Variants in ANO10 observed in about 807,000 individuals in gnomAD.
ANO10 encodes the protein anoctamin 10, also known as anoctamin-10.
A neutral mutation model predicts 74.7 loss-of-function variants in ANO10; 77 were observed. The ratio of observed to expected loss-of-function variants is 1.03; its 90% CI spans 0.86 to 1.25. ANO10 has a LOEUF of 1.25. Ranked by LOEUF, ANO10 falls within the 50% of genes most tolerant of loss-of-function variation. ANO10 has a pLI of 0.00. For missense variants in ANO10, 721 were observed against 778.1 expected (o/e 0.93, Z 0.87); for synonymous variants, 279 against 284.9 (o/e 0.98, Z 0.21).
intron 2 of ANO10, among the ~76,000 whole-genome samples, chr3:43,604,370 T>C (rs1442364394): frequency 6.6e-6 from 1 of 152,128 alleles, no homozygotes; most frequent in Non-Finnish European, 1.5e-5. Context: ...TTGTGGGTAT[T>C]GTGCAGAGTA....
intron 1 of ANO10, among the ~76,000 whole-genome samples, chr3:43,657,734 C>T: frequency 6.6e-6 from 1 of 152,326 alleles, no homozygotes; most frequent in South Asian, 2.1e-4. Flanking sequence ...CCTAGCCATT[C>T]TGTCACCCCT....
At chr3:43,511,797 T>C (rs374781889) in intron 11 of ANO10, among the ~76,000 whole-genome samples, 20 of 152,354 alleles carry the variant, frequency 1.3e-4, no homozygotes, top group African/African-American at 4.6e-4. Context: ...GGGCTCTCTA[T>C]TGTGAGATGA....
intron 1 of ANO10, among the ~76,000 whole-genome samples, chr3:43,680,224 T>A (rs933282518): frequency 6.6e-6 from 1 of 151,804 alleles, no homozygotes; most frequent in Non-Finnish European, 1.5e-5. Context: ...GAATAACCAA[T>A]GCAGAGGAGT....
chr3:43,453,531 C>T (rs1339886439), intron 11 of ANO10, among the ~76,000 whole-genome samples: 1 of 152,138 alleles, frequency 6.6e-6, no homozygotes, highest in Non-Finnish European at 1.5e-5. Flanking sequence ...CTAAGAACCA[C>T]TGTTTAATTC....
upstream of ANO10, among the ~76,000 whole-genome samples, chr3:43,626,209 C>T (rs2083489850): frequency 6.6e-6 from 1 of 152,114 alleles, no homozygotes; most frequent in Non-Finnish European, 1.5e-5. Flanking sequence ...GCTGGGATTA[C>T]AGGCATGAGC....
At chr3:43,604,696 T>A (rs2082483278) in intron 2 of ANO10, among the ~76,000 whole-genome samples, 1 of 152,154 alleles carries the variant, frequency 6.6e-6, no homozygotes, top group African/African-American at 2.4e-5. Context: ...TGTGGAAAGA[T>A]GCCCATCCCT....
intron 11 of ANO10, among the ~76,000 whole-genome samples, chr3:43,512,609 T>G (rs1356733978): frequency 5.3e-5 from 8 of 152,064 alleles, no homozygotes; most frequent in Admixed American, 2.6e-4. Context: ...GGACTAGAGG[T>G]TGCAGAGAGA....
At chr3:43,385,908 T>C (rs34420430) in intron 12 of ANO10, among the ~76,000 whole-genome samples, 16,844 of 152,038 alleles carry the variant, frequency 0.11, 1,269 homozygotes, top group Middle Eastern at 0.25. Flanking sequence ...CAAAAACATA[T>C]TGAAATAAAA....
intron 12 of ANO10, among the ~76,000 whole-genome samples, chr3:43,401,472 C>T (rs1314181773): frequency 6.6e-6 from 1 of 151,864 alleles, no homozygotes; most frequent in Non-Finnish European, 1.5e-5. Flanking sequence ...TGTTAATGGG[C>T]TTCTACTTAT....
At chr3:43,690,209 G>T (rs950243628) in intron 1 of ANO10, 1 of 152,242 alleles carries the variant, frequency 6.6e-6, no homozygotes, top group African/African-American at 2.4e-5. Context: ...ACAGGTATGC[G>T]CCACCGCGCC....
At chr3:43,513,243 G>A (rs1013384001) in intron 11 of ANO10, among the ~76,000 whole-genome samples, 1 of 152,092 alleles carries the variant, frequency 6.6e-6, no homozygotes, top group Non-Finnish European at 1.5e-5. Context: ...TCTAACTCAG[G>A]GTCACCAGAG....
chr3:43,557,721 C>T lies in ANO10; in HGVS notation c.1477-2252G>A, dbSNP rs554990207. Among the ~76,000 whole-genome samples the T allele has an allele frequency of 3.8e-4, 45 of 119,838 alleles. 1 individual carries two copies. The South Asian group carries it at 0.01, about 28-fold the overall frequency. 78.6% of individuals were successfully genotyped at this position (119,838 alleles called of 152,430 possible). The stretch of plus-strand genomic sequence containing the variant: ...CTGCACTCCAGCCTGGGCAACAGAG[C>T]GAGACTCTGTCTCAAAAAAAAAAAA... On this transcript the variant is annotated intron_variant, in intron 9 of 12. Transcript: ENST00000292246.
In ANO10 at chr3:43,562,417, A is replaced by G. The variant is rs185343309; in HGVS notation, c.1294-1015T>C. Among the ~76,000 whole-genome samples the G allele has an allele frequency of 2.4e-3, 310 of 129,438 alleles. 1 individual carries two copies. Among genetic ancestry groups the G allele is most frequent in the Non-Finnish European group, 2.4e-3 (152 of 64,174 alleles). The allele number at this position is 129,438 out of a possible 152,430, so 84.9% of individuals were successfully genotyped here. On this transcript the variant is annotated intron_variant, in intron 8 of 12. Coordinates refer to ENST00000292246, the MANE Select transcript of ANO10 (RefSeq NM_018075.5). ...CAGTAAGCCAAGATCGCGCCACTGCACTCCAGCCTGGGCGGCAGAACGAGG... is the reference window on the plus strand; with the variant it reads ...CAGTAAGCCAAGATCGCGCCACTGCGCTCCAGCCTGGGCGGCAGAACGAGG...
intron 4 of ANO10, among the ~76,000 whole-genome samples, chr3:43,589,861 T>C (rs767735424): frequency 5.9e-5 from 9 of 152,156 alleles, no homozygotes; most frequent in African/African-American, 1.9e-4. Flanking sequence ...TATTCTACAA[T>C]AATGATCAAA....
intron 8 of ANO10, among the ~76,000 whole-genome samples, chr3:43,563,282 A>G (rs2080137858): frequency 6.6e-6 from 1 of 152,140 alleles, no homozygotes; most frequent in African/African-American, 2.4e-5. Flanking sequence ...TCCTACTCCA[A>G]ATAGAATTGC....
chr3:43,451,130 T>C (rs1333217588), intron 11 of ANO10, among the ~76,000 whole-genome samples: 1 of 152,166 alleles, frequency 6.6e-6, no homozygotes, highest in Non-Finnish European at 1.5e-5. Context: ...GCTTAAGGAG[T>C]TGGACCTTGA....
chr3:43,387,599 AAG>A (rs1372343927), intron 12 of ANO10, among the ~76,000 whole-genome samples: 1 of 152,164 alleles, frequency 6.6e-6, no homozygotes, highest in Non-Finnish European at 1.5e-5. Flanking sequence ...AAGGTCTGTG[AAG>A]AGAGACGGCA....
intron 9 of ANO10, among the ~76,000 whole-genome samples, chr3:43,556,608 A>G (rs2079763546): frequency 6.6e-6 from 1 of 152,236 alleles, no homozygotes. Flanking sequence ...AGGAAAAAAA[A>G]TGAAAATTCA....
At chr3:43,505,200 T>C (rs1010853185) in intron 11 of ANO10, among the ~76,000 whole-genome samples, 1 of 152,232 alleles carries the variant, frequency 6.6e-6, no homozygotes, top group Non-Finnish European at 1.5e-5. Flanking sequence ...CTAAATAGCA[T>C]GCCACTTACA....
Sources: allele counts gnomAD v4.1 joint callset (sites outside exome capture counted in the v4.1 genomes callset), GRCh38; gene constraint gnomAD v4.1.1; transcripts MANE v1.5; gene names NCBI Gene and HGNC (gene_info 2026-07-23, HGNC 2026-07-21).